DNAH3: variants seen among roughly 807,000 people sequenced by gnomAD.
The protein encoded by DNAH3 is axonemal beta dynein heavy chain 3.
Under a neutral mutation model 432.5 loss-of-function variants are expected in DNAH3, and 332 were observed. That is an observed-to-expected ratio of 0.77 (90% CI 0.70 to 0.84). DNAH3 has a LOEUF of 0.84. Among genes scored for constraint, DNAH3 ranks in the 40% least tolerant of loss-of-function variants. The pLI is 0.00. For synonymous variants in DNAH3, 1,956 were observed against 1,900.2 expected (o/e 1.03, Z -0.76); for missense variants, 4,861 against 5,114.0 (o/e 0.95, Z 1.51).
At chr16:20,933,209 G>A in exon 62 of DNAH3, 3 of 1,614,258 alleles carry the variant, frequency 1.9e-6, no homozygotes, top group Non-Finnish European at 1.7e-6. Flanking sequence ...GTGCTTCTGG[G>A]GCATGTCTGT....
At chr16:21,119,488 G>A (rs1218350098) in intron 11 of DNAH3, among the ~76,000 whole-genome samples, 2 of 151,966 alleles carry the variant, frequency 1.3e-5, no homozygotes, top group Non-Finnish European at 2.9e-5. Flanking sequence ...AAATAAGCCG[G>A]GCATGGTGGT....
intron 35 of DNAH3, 29 bp from the exon 36 acceptor site, chr16:21,034,114 G>A: frequency 6.9e-7 from 1 of 1,451,856 alleles, no homozygotes; most frequent in Middle Eastern, 1.7e-4. Flanking sequence ...CATAAAAGAA[G>A]CTAATCATTG....
intron 24 of DNAH3, 173 bp from the exon 25 acceptor site, chr16:21,062,856 G>A: frequency 1.6e-6 from 1 of 606,874 alleles, no homozygotes; most frequent in South Asian, 2.1e-5. Flanking sequence ...GGAAGGTGGA[G>A]TTTTGCTTTT....
chr16:21,125,309 G>A (rs1276692386), exon 9 of DNAH3: 1 of 1,613,436 alleles, frequency 6.2e-7, no homozygotes, highest in Admixed American at 1.7e-5. Context: ...TTGCTCTTGG[G>A]AGCAAAATGA....
At chr16:20,963,839 T>C (rs778422067) in exon 53 of DNAH3, 4 of 1,614,078 alleles carry the variant, frequency 2.5e-6, no homozygotes, top group Admixed American at 3.3e-5. Context: ...TGGTCAATGA[T>C]GTACTTGATG....
At position 21,022,071 on chromosome 16, in the gene DNAH3, C is replaced by A. The variant is rs766394314; in HGVS notation, c.5676G>T (p.Gln1892His). The A allele has an allele frequency of 6.2e-7, 1 of 1,613,978 alleles. No homozygotes were observed. Among genetic ancestry groups the A allele is most frequent in the East Asian group, 2.2e-5 (1 of 44,878 alleles). Reference sequence around the variant, plus strand: ...GAAGGCGACCAAATTCCAGGCAGGGCTGGACAAGCCACATGAACATGTCAT... The same window carrying A: ...GAAGGCGACCAAATTCCAGGCAGGGATGGACAAGCCACATGAACATGTCAT... Residue 1892 changes from glutamine to histidine, a missense_variant, in exon 40 of 62, where the codon CAG becomes CAT. Transcript: ENST00000261383.
intron 16 of DNAH3, among the ~76,000 whole-genome samples, chr16:21,103,559 C>A (rs2152798415): frequency 6.6e-6 from 1 of 152,286 alleles, no homozygotes; most frequent in South Asian, 2.1e-4. Flanking sequence ...CTCACAAACA[C>A]ACACACACAA....
chr16:21,158,600 C>G (rs1179438555), intron 1 of DNAH3: 1 of 152,436 alleles, frequency 6.6e-6, no homozygotes, highest in Non-Finnish European at 1.5e-5. Context: ...GGAGAAGAGC[C>G]GAGGGGCGGT....
Position 21,112,077 on chromosome 16 carries a change from CT to C in DNAH3, c.1835del (p.Lys612SerfsTer18). The C allele has an allele frequency of 6.2e-7, 1 of 1,612,482 alleles. No individual in the cohort carries two copies. The highest frequency in any genetic ancestry group is 8.5e-7 in the Non-Finnish European group (1 of 1,179,038). ...CCGTGTTATCCAATAAGTCAACATA[CT>C]TTTTGTAGACATTTAAATATCTTCC... On this transcript the variant is annotated frameshift_variant, in exon 13 of 62. Transcript: ENST00000261383. LOFTEE classifies it high-confidence loss of function.
intron 36 of DNAH3, among the ~76,000 whole-genome samples, chr16:21,031,894 G>A (rs556527887): frequency 6.6e-6 from 1 of 152,278 alleles, no homozygotes; most frequent in East Asian, 1.9e-4. Flanking sequence ...TGGGCGTGGT[G>A]GCGCATGCCT....
intron 8 of DNAH3, among the ~76,000 whole-genome samples, chr16:21,127,307 C>T (rs57956857): frequency 1.7e-3 from 252 of 151,452 alleles, no homozygotes; most frequent in African/African-American, 5.9e-3. Context: ...AATCCCAGCA[C>T]TTTGGGAGGC....
At chr16:21,055,726 T>A (rs887093929) in intron 27 of DNAH3, among the ~76,000 whole-genome samples, 1 of 151,256 alleles carries the variant, frequency 6.6e-6, no homozygotes, top group African/African-American at 2.4e-5. Flanking sequence ...CTCAGTCTCC[T>A]GGTGTGTGTC....
At chr16:21,057,613 GTA>G (rs1207952279) in intron 27 of DNAH3, among the ~76,000 whole-genome samples, 1 of 152,216 alleles carries the variant, frequency 6.6e-6, no homozygotes, top group Non-Finnish European at 1.5e-5. Context: ...GGGAATATGT[GTA>G]TTTGGATCTG....
intron 25 of DNAH3, among the ~76,000 whole-genome samples, chr16:21,061,256 C>T (rs1410119513): frequency 4.8e-5 from 5 of 104,630 alleles, no homozygotes; most frequent in Non-Finnish European, 5.5e-5. Flanking sequence ...TTTTTTGAGA[C>T]GGAGTTTCAC....
chr16:20,989,988 G>C (rs961453036), intron 44 of DNAH3, among the ~76,000 whole-genome samples: 8 of 152,194 alleles, frequency 5.3e-5, no homozygotes, highest in African/African-American at 1.9e-4. Context: ...GCCTGCAAGC[G>C]CCGCGCGCAG....
chr16:20,997,883 T>C (rs1402589983), intron 43 of DNAH3, among the ~76,000 whole-genome samples: 1 of 150,094 alleles, frequency 6.7e-6, no homozygotes, highest in Non-Finnish European at 1.5e-5. Context: ...GTGGCTTATG[T>C]CTGTGGTCCC....
At chr16:21,130,409 A>C (rs1388517793) in intron 7 of DNAH3, among the ~76,000 whole-genome samples, 2 of 151,406 alleles carry the variant, frequency 1.3e-5, no homozygotes, top group African/African-American at 4.9e-5. Context: ...GGTTCAAGCA[A>C]TTCTCCTGCC....
chr16:20,944,426 T>C, intron 58 of DNAH3, 70 bp downstream of exon 58: 1 of 1,573,594 alleles, frequency 6.4e-7, no homozygotes, highest in Non-Finnish European at 8.7e-7. Flanking sequence ...CACCCTCCAA[T>C]CCTGTGTGCC....
exon 54 of DNAH3, chr16:20,959,227 T>A: frequency 6.2e-7 from 1 of 1,614,070 alleles, no homozygotes; most frequent in Non-Finnish European, 8.5e-7. Flanking sequence ...CTCACAAATC[T>A]TCTCCAGGGT....
Sources: allele counts gnomAD v4.1 joint callset (sites outside exome capture counted in the v4.1 genomes callset), GRCh38; gene constraint gnomAD v4.1.1; transcripts MANE v1.5; gene names NCBI Gene and HGNC (gene_info 2026-07-23, HGNC 2026-07-21).